The following MAS1 variants were observed in gnomAD, a reference collection of about 807,000 sequenced individuals.
MAS1 encodes the protein MAS1 proto-oncogene, G protein-coupled receptor, also known as proto-oncogene Mas.
For synonymous variants in MAS1, 163 were observed against 164.2 expected (o/e 0.99, Z 0.05); for missense variants, 387 against 409.7 (o/e 0.94, Z 0.48).
rs1782989906 is a variant in MAS1 at position 159,913,667 on chromosome 6, GA to G, written c.*5736del. On this transcript the variant is annotated 3_prime_UTR_variant, in exon 3 of 3. Coordinates refer to ENST00000674077, the MANE Select transcript of MAS1 (RefSeq NM_002377.4). ...CTTACAACATGGTGATTGTGTTCTG[GA>G]AGGAAGTCTCCTGAGACTTAGCTTT... 1 of 152,176 alleles carries G rather than the reference GA, an allele frequency of 6.6e-6. No homozygotes were observed. Among genetic ancestry groups the G allele is most frequent in the Non-Finnish European group, 1.5e-5 (1 of 68,040 alleles). 9.4% of individuals were successfully genotyped at this position (152,176 alleles called of 1,614,324 possible). A position where few individuals can be genotyped will look rare whatever the true frequency, so the allele number is the denominator to read the frequency against.
chr6:159,893,605 T>C (rs375696577), intron 1 of MAS1, among the ~76,000 whole-genome samples: 61 of 152,244 alleles, frequency 4.0e-4, no homozygotes, highest in African/African-American at 1.4e-3. Context: ...ATGAATTCAC[T>C]GGTGGTGGGT....
chr6:159,896,263 C>A (rs559207141), intron 1 of MAS1, among the ~76,000 whole-genome samples: 1 of 152,182 alleles, frequency 6.6e-6, no homozygotes, highest in South Asian at 2.1e-4. Flanking sequence ...CTGCTGCACT[C>A]CAGCCTGGTT....
At chr6:159,892,892 C>G in intron 1 of MAS1, among the ~76,000 whole-genome samples, 1 of 152,206 alleles carries the variant, frequency 6.6e-6, no homozygotes. Context: ...CCCAGCCTTT[C>G]AAACTACATT....
upstream of MAS1, among the ~76,000 whole-genome samples, chr6:159,889,847 G>A (rs1030266737): frequency 1.3e-4 from 20 of 152,184 alleles, no homozygotes; most frequent in Admixed American, 3.9e-4. Flanking sequence ...TGGGAGGGCC[G>A]AGCTGCTGGT....
intron 1 of MAS1, among the ~76,000 whole-genome samples, chr6:159,893,071 C>T (rs564503054): frequency 6.6e-6 from 1 of 152,336 alleles, no homozygotes; most frequent in Admixed American, 6.5e-5. Flanking sequence ...AATGTCAAAA[C>T]CCCTCTTCTC....
chr6:159,902,568 T>C (rs1562310925), intron 2 of MAS1: 1 of 152,212 alleles, frequency 6.6e-6, no homozygotes, highest in Non-Finnish European at 1.5e-5. Flanking sequence ...GCTGGTTTCT[T>C]TTTACTTTCT....
intron 1 of MAS1, among the ~76,000 whole-genome samples, chr6:159,898,590 TGTTCCTCCTTCCTCTTCCTCCTC>T: frequency 8.9e-6 from 1 of 112,242 alleles, no homozygotes; most frequent in Admixed American, 9.0e-5. Flanking sequence ...TCCTTTTCCC[TGTTCCTCCTTCCTCTTCCTCCTC>T]CTTCCTCCTC....
At chr6:159,893,880 G>A (rs1782727239) in intron 1 of MAS1, among the ~76,000 whole-genome samples, 1 of 152,116 alleles carries the variant, frequency 6.6e-6, no homozygotes, top group Non-Finnish European at 1.5e-5. Context: ...AGAAATGGCT[G>A]ATTCTAGGCA....
chr6:159,914,384 A>C lies in MAS1; in HGVS notation c.*6451A>C, dbSNP rs916879919. On this transcript the variant is annotated 3_prime_UTR_variant, in exon 3 of 3. Transcript: ENST00000674077. ...TTCTTGGTGGTGTCAGAGCTTTGCT[A>C]CTTAGTATTGGAACTTAAACTCTGG... 12 of 152,212 alleles carry C rather than the reference A, an allele frequency of 7.9e-5. No individual in the cohort carries two copies. In the Middle Eastern group the frequency reaches 0.017, roughly 216 times the overall value. The allele number at this position is 152,212 out of a possible 1,614,324, so 9.4% of individuals were successfully genotyped here.
chr6:159,898,884 A>G (rs1308739394), intron 1 of MAS1, among the ~76,000 whole-genome samples: 1 of 152,088 alleles, frequency 6.6e-6, no homozygotes, highest in Non-Finnish European at 1.5e-5. Context: ...CCTGGCCAGC[A>G]CTGTGATTAA....
At position 159,907,206 on chromosome 6, in the gene MAS1, T is replaced by C; in HGVS notation, c.251T>C (p.Ile84Thr). Reference protein sequence around the residue: ...SIADISLLFCIFILSIDYALD... With the variant: ...SIADISLLFCTFILSIDYALD... ...GCAGACATCTCACTGCTCTTCTGTA[T>C]TTTCATCTTGTCTATCGACTATGCT... Residue 84 changes from isoleucine to threonine, a missense_variant, in exon 3 of 3, where the codon ATT (isoleucine) becomes ACT (threonine). By Grantham distance (89) the Ile-to-Thr change is moderately conservative (BLOSUM62 -1). Coordinates refer to ENST00000674077, the MANE Select transcript of MAS1 (RefSeq NM_002377.4). 1 of 1,614,234 alleles carries C rather than the reference T, an allele frequency of 6.2e-7. No individual in the cohort carries two copies. Among genetic ancestry groups the C allele is most frequent in the Non-Finnish European group, 8.5e-7 (1 of 1,180,038 alleles).
rs77846854 is a variant in MAS1, at chr6:159,896,482, T to A, written c.-243-2704T>A. ...GCAATCTCAATTTTAAAAACGAGCG[T>A]GTGTAAGACATTGAACAAAGACCAA... On this transcript the variant is annotated intron_variant, in intron 1 of 2. Transcript: ENST00000674077. Among the ~76,000 whole-genome samples, 1,195 of 152,256 alleles carry A rather than the reference T, an allele frequency of 7.8e-3. 11 individuals are homozygous for A. The highest frequency in any genetic ancestry group is 0.015 in the South Asian group (73 of 4,818).
intron 2 of MAS1, among the ~76,000 whole-genome samples, chr6:159,904,820 C>T (rs77688736): frequency 1.5e-3 from 225 of 152,348 alleles, no homozygotes; most frequent in African/African-American, 5.2e-3. Context: ...CTTGCCGGGC[C>T]GTTCCTGCCT....
intron 2 of MAS1, among the ~76,000 whole-genome samples, chr6:159,899,892 A>G (rs1782803437): frequency 6.6e-6 from 1 of 151,642 alleles, no homozygotes; most frequent in Non-Finnish European, 1.5e-5. Context: ...CTAAAAATAC[A>G]AAAATTAGCT....
Position 159,904,432 on chromosome 6 carries a change from A to G in MAS1, c.-36-2488A>G, listed in dbSNP as rs547670433. Reference sequence around the variant, plus strand: ...TAACCCGCTTCACCTGCACCTGTCCATTCAGCAAATGGCTAAACACGTATT... The same window carrying G: ...TAACCCGCTTCACCTGCACCTGTCCGTTCAGCAAATGGCTAAACACGTATT... On this transcript the variant is annotated intron_variant, in intron 2 of 2. Coordinates refer to ENST00000674077, the MANE Select transcript of MAS1 (RefSeq NM_002377.4). 2.1e-4 allele frequency among the ~76,000 whole-genome samples: 31 copies of G among 151,146 alleles called. 1 individual carries two copies. The South Asian group carries it at 6.2e-3, about 30-fold the overall frequency.
intron 2 of MAS1, among the ~76,000 whole-genome samples, chr6:159,905,035 C>T (rs1275480742): frequency 1.3e-5 from 2 of 152,212 alleles, no homozygotes; most frequent in Admixed American, 6.5e-5. Flanking sequence ...AGGTCCCTGC[C>T]ACTCCTTTCC....
rs1200276462 is a variant in MAS1 at position 159,913,986 on chromosome 6, AG to A, written c.*6054del. On this transcript the variant is annotated 3_prime_UTR_variant, in exon 3 of 3. Transcript: ENST00000674077. ...GGTTGAATTGTTAAAGCAAATTCAG[AG>A]TGACTTACAGATCTTACCCAACATG... 6.6e-6 allele frequency: 1 copy of A among 152,238 alleles called. No homozygotes were observed. Among genetic ancestry groups the A allele is most frequent in the Admixed American group, 6.5e-5 (1 of 15,286 alleles). The allele number at this position is 152,238 out of a possible 1,614,324, so 9.4% of individuals were successfully genotyped here. A position where few individuals can be genotyped will look rare whatever the true frequency, so the allele number is the denominator to read the frequency against.
In MAS1 at chr6:159,913,370, A is replaced by C. The variant is rs1475418133; in HGVS notation, c.*5437A>C. 6.6e-6 allele frequency: 1 copy of C among 151,960 alleles called. No homozygotes were observed. The allele number at this position is 151,960 out of a possible 1,614,324, so 9.4% of individuals were successfully genotyped here. A position where few individuals can be genotyped will look rare whatever the true frequency, so the allele number is the denominator to read the frequency against. ...AGAGTGAGACTCCGTCTCAAAAAAA[A>C]GAAAAATTATGCCAAAAAATTAAGT... On this transcript the variant is annotated 3_prime_UTR_variant, in exon 3 of 3. Coordinates refer to ENST00000674077, the MANE Select transcript of MAS1 (RefSeq NM_002377.4).
chr6:159,893,889 C>G (rs1189552097), intron 1 of MAS1, among the ~76,000 whole-genome samples: 1 of 151,940 alleles, frequency 6.6e-6, no homozygotes, highest in Admixed American at 6.6e-5. Context: ...TGATTCTAGG[C>G]ACTAGGGCAG....
Sources: gnomAD v4.1 joint callset for allele counts (sites outside exome capture counted in the v4.1 genomes callset) on GRCh38, gnomAD v4.1.1 for gene constraint, MANE v1.5 for transcripts, NCBI Gene and HGNC (gene_info 2026-07-23, HGNC 2026-07-21) for gene names.